Variants in GOLIM4 observed in about 807,000 individuals in gnomAD.
The protein encoded by GOLIM4 is 130 kDa golgi-localized phosphoprotein.
GOLIM4 carries 71 observed loss-of-function variants against 107.4 expected under a neutral mutation model. The observed-to-expected ratio is 0.66, with a 90% confidence interval of 0.55 to 0.81. The LOEUF (loss-of-function observed/expected upper bound fraction) is 0.81. Ranked by LOEUF, GOLIM4 falls within the 30% of genes least tolerant of loss-of-function variation. The pLI, the probability that GOLIM4 is intolerant of heterozygous loss-of-function variation, is 0.00. For missense variants in GOLIM4, 830 were observed against 826.1 expected (o/e 1.00, Z -0.06); for synonymous variants, 327 against 294.8 (o/e 1.11, Z -1.12).
chr3:168,036,009 G>A (rs1450376040), intron 8 of GOLIM4, among the ~76,000 whole-genome samples: 1 of 152,120 alleles, frequency 6.6e-6, no homozygotes, highest in Non-Finnish European at 1.5e-5. Context: ...TGTCAAACAG[G>A]TCATTTAATT....
chr3:168,042,671 C>A (rs1386980218), intron 5 of GOLIM4, among the ~76,000 whole-genome samples: 1 of 152,206 alleles, frequency 6.6e-6, no homozygotes, highest in Non-Finnish European at 1.5e-5. Flanking sequence ...CCAGGACTCA[C>A]ATGCACTCAG....
At chr3:168,090,015 G>A (rs1439883284) in intron 1 of GOLIM4, among the ~76,000 whole-genome samples, 4 of 152,094 alleles carry the variant, frequency 2.6e-5, no homozygotes, top group South Asian at 2.1e-4. Flanking sequence ...TGATCCACCC[G>A]CCTCAGTCTC....
chr3:168,010,842 A>G lies in GOLIM4; in HGVS notation c.1861-19T>C, dbSNP rs774434582. ...CCTGAACCTAAAACAAACCACAGAT[A>G]TCATTTAAACACTTTTGTCTTTCAA... On this transcript the variant is annotated intron_variant, in intron 14 of 15. Coordinates refer to ENST00000470487, the MANE Select transcript of GOLIM4 (RefSeq NM_014498.5). 9 of 1,538,458 alleles carry G rather than the reference A, an allele frequency of 5.9e-6. No individual in the cohort carries two copies. Among genetic ancestry groups the G allele is most frequent in the Non-Finnish European group, 8.1e-6 (9 of 1,113,288 alleles).
intron 1 of GOLIM4, among the ~76,000 whole-genome samples, chr3:168,056,230 C>G (rs1298772632): frequency 6.6e-6 from 1 of 152,228 alleles, no homozygotes; most frequent in Non-Finnish European, 1.5e-5. Context: ...CAAGCCTTGG[C>G]AGCTTCCACA....
At chr3:168,021,086 T>A (rs1717651023) in intron 14 of GOLIM4, among the ~76,000 whole-genome samples, 1 of 152,228 alleles carries the variant, frequency 6.6e-6, no homozygotes, top group South Asian at 2.1e-4. Flanking sequence ...AAATGAGCCT[T>A]ATCTGATGAC....
chr3:168,019,193 T>C (rs915266754), intron 14 of GOLIM4, among the ~76,000 whole-genome samples: 6 of 152,204 alleles, frequency 3.9e-5, no homozygotes, highest in Non-Finnish European at 7.3e-5. Flanking sequence ...GTTTTTGTTA[T>C]GAAAATCTTT....
chr3:168,031,081 G>A (rs1718307282), intron 9 of GOLIM4, among the ~76,000 whole-genome samples: 1 of 152,150 alleles, frequency 6.6e-6, no homozygotes, highest in African/African-American at 2.4e-5. Flanking sequence ...TATGTTAAGT[G>A]AAAAACTTCA....
chr3:168,076,509 T>C (rs1271016711), intron 1 of GOLIM4, among the ~76,000 whole-genome samples: 1 of 152,206 alleles, frequency 6.6e-6, no homozygotes, highest in African/African-American at 2.4e-5. Context: ...CTGGCCAACA[T>C]GGTGAAACTC....
intron 1 of GOLIM4, among the ~76,000 whole-genome samples, chr3:168,094,398 A>C (rs764375161): frequency 6.6e-6 from 1 of 152,226 alleles, no homozygotes; most frequent in Non-Finnish European, 1.5e-5. Flanking sequence ...CTCTGTGATG[A>C]AGTAAAAGCT....
At chr3:168,051,453 C>T (rs1719642203) in intron 1 of GOLIM4, among the ~76,000 whole-genome samples, 1 of 152,144 alleles carries the variant, frequency 6.6e-6, no homozygotes, top group African/African-American at 2.4e-5. Flanking sequence ...CATAAATAAC[C>T]TGAATAAATC....
chr3:168,057,632 G>A (rs1479830326), intron 1 of GOLIM4, among the ~76,000 whole-genome samples: 7 of 152,148 alleles, frequency 4.6e-5, no homozygotes, highest in Non-Finnish European at 8.8e-5. Context: ...CTCGACACAT[G>A]GGGATTACAA....
Position 168,044,770 on chromosome 3 carries a change from G to C in GOLIM4, c.366+58C>G, listed in dbSNP as rs1018974777. The C allele has an allele frequency of 3.2e-6, 3 of 942,934 alleles. No homozygotes were observed. The Admixed American group carries it at 7.3e-5, about 23-fold the overall frequency. 58.4% of individuals were successfully genotyped at this position (942,934 alleles called of 1,614,324 possible). On this transcript the variant is annotated intron_variant, in intron 4 of 15. Coordinates refer to ENST00000470487, the MANE Select transcript of GOLIM4 (RefSeq NM_014498.5). ...TAATCACTTTAAAGGCCATTAGTCA[G>C]TTCAAGTATTAGTTAATCCTTTCTT...
intron 1 of GOLIM4, among the ~76,000 whole-genome samples, chr3:168,052,381 C>T (rs895150573): frequency 6.6e-6 from 1 of 151,630 alleles, no homozygotes; most frequent in East Asian, 1.9e-4. Flanking sequence ...CACATACACA[C>T]ACTCTCTCAC....
At chr3:168,057,487 G>A (rs1430088370) in intron 1 of GOLIM4, among the ~76,000 whole-genome samples, 1 of 152,110 alleles carries the variant, frequency 6.6e-6, no homozygotes, top group East Asian at 1.9e-4. Flanking sequence ...GAAGATGAAG[G>A]GGAAGCAAGG....
At chr3:168,024,235 A>C (rs1444772949) in intron 14 of GOLIM4, among the ~76,000 whole-genome samples, 1 of 152,194 alleles carries the variant, frequency 6.6e-6, no homozygotes, top group Non-Finnish European at 1.5e-5. Context: ...CTTACAAAAG[A>C]TTGCACAAAT....
Position 168,027,708 on chromosome 3 carries a change from G to A in GOLIM4, c.1623+20C>T. 7.2e-7 allele frequency: 1 copy of A among 1,396,896 alleles called. No homozygotes were observed. The highest frequency in any genetic ancestry group is 1.0e-6 in the Non-Finnish European group (1 of 982,218). The allele number at this position is 1,396,896 out of a possible 1,614,324, so 86.5% of individuals were successfully genotyped here. Reference sequence around the variant, plus strand: ...CCTTATGAGTTTACATGTGTCAGGGGCAGAAGAGAGGATACTTACATCTGC... The same window carrying A: ...CCTTATGAGTTTACATGTGTCAGGGACAGAAGAGAGGATACTTACATCTGC... On this transcript the variant is annotated intron_variant, in intron 12 of 15. Coordinates refer to ENST00000470487, the MANE Select transcript of GOLIM4 (RefSeq NM_014498.5).
At chr3:168,027,919 G>A in intron 11 of GOLIM4, 82 bp from the exon 12 acceptor site, 1 of 847,992 alleles carries the variant, frequency 1.2e-6, no homozygotes, top group Non-Finnish European at 2.0e-6. Context: ...GCCACCAGTG[G>A]ACTTTTCTAC....
intron 1 of GOLIM4, among the ~76,000 whole-genome samples, chr3:168,091,397 C>A (rs2140100): frequency 6.6e-6 from 1 of 152,124 alleles, no homozygotes; most frequent in Non-Finnish European, 1.5e-5. Flanking sequence ...TAATTATTAC[C>A]TTAGCAGTCA....
At chr3:168,021,164 T>C (rs1717655937) in intron 14 of GOLIM4, among the ~76,000 whole-genome samples, 1 of 152,218 alleles carries the variant, frequency 6.6e-6, no homozygotes, top group African/African-American at 2.4e-5. Context: ...AAATGGGCTT[T>C]GGCTAGATAT....
Sources: allele counts gnomAD v4.1 joint callset (sites outside exome capture counted in the v4.1 genomes callset), GRCh38; gene constraint gnomAD v4.1.1; transcripts MANE v1.5; gene names NCBI Gene and HGNC (gene_info 2026-07-23, HGNC 2026-07-21).